CNTN5: variants seen among roughly 807,000 people sequenced by gnomAD.
CNTN5 encodes contactin 5.
In CNTN5, 77 loss-of-function variants were observed where a neutral mutation model predicts 129.1. That is an observed-to-expected ratio of 0.60 (90% confidence interval 0.50 to 0.72). The LOEUF is 0.72. Ranked by LOEUF, CNTN5 falls within the 30% of genes least tolerant of loss-of-function variation. The pLI is 0.00. For missense variants in CNTN5, 1,478 were observed against 1,328.8 expected, an observed-to-expected ratio of 1.11 and a Z score of -1.75; for synonymous variants, 509 against 465.6, an observed-to-expected ratio of 1.09 and a Z score of -1.20.
At chr11:99,781,825 C>A (rs11221345) in intron 3 of CNTN5, among the ~76,000 whole-genome samples, 1 of 151,950 alleles carries the variant, frequency 6.6e-6, no homozygotes, top group Non-Finnish European at 1.5e-5. Context: ...TGGGACGTAT[C>A]TCAAAATAAT....
Position 99,710,808 on chromosome 11 carries a change from G to A in CNTN5, c.56-108736G>A, listed in dbSNP as rs569743606. Among the ~76,000 whole-genome samples, 4 of 151,924 alleles carry A rather than the reference G, an allele frequency of 2.6e-5. No individual in the cohort carries two copies. The South Asian group carries it at 8.3e-4, about 32-fold the overall frequency. On this transcript the variant is annotated intron_variant, in intron 3 of 24. Transcript: ENST00000524871. ...ATCAAAGGATGAGAGAAAAGGCAGA[G>A]ATTAATAATTTTGAATAGTTATAAA...
At chr11:100,319,189 A>G (rs1001350240) in intron 21 of CNTN5, among the ~76,000 whole-genome samples, 8 of 128,160 alleles carry the variant, frequency 6.2e-5, no homozygotes, top group Non-Finnish European at 6.4e-5. Context: ...GTCTCGCTCT[A>G]TTGCCCAGGC....
chr11:100,023,740 A>G (rs984212357), intron 9 of CNTN5, among the ~76,000 whole-genome samples: 1 of 152,200 alleles, frequency 6.6e-6, no homozygotes, highest in Non-Finnish European at 1.5e-5. Context: ...AGAATATCAT[A>G]TGACTGAAAC....
chr11:100,256,121 A>G (rs1426820013), intron 17 of CNTN5, among the ~76,000 whole-genome samples: 1 of 152,164 alleles, frequency 6.6e-6, no homozygotes, highest in East Asian at 1.9e-4. Context: ...CCCAAAGAGG[A>G]ACTATATCAT....
chr11:99,730,432 G>C (rs1943492044), intron 3 of CNTN5, among the ~76,000 whole-genome samples: 1 of 152,140 alleles, frequency 6.6e-6, no homozygotes, highest in South Asian at 2.1e-4. Flanking sequence ...AGACTATATT[G>C]GATGAAAACC....
chr11:99,061,313 G>T (rs1380927306), intron 1 of CNTN5, among the ~76,000 whole-genome samples: 1 of 152,106 alleles, frequency 6.6e-6, no homozygotes, highest in Admixed American at 6.6e-5. Context: ...TTCATGCAAA[G>T]ACTGAGTGTG....
chr11:99,669,445 T>G (rs1952939885), intron 3 of CNTN5, among the ~76,000 whole-genome samples: 1 of 63,408 alleles, frequency 1.6e-5, no homozygotes, highest in African/African-American at 4.6e-5. Context: ...AAATATGGTG[T>G]GTGTGTGTGT....
At chr11:99,309,250 T>A (rs1865002701) in intron 1 of CNTN5, among the ~76,000 whole-genome samples, 1 of 151,470 alleles carries the variant, frequency 6.6e-6, no homozygotes, top group Non-Finnish European at 1.5e-5. Context: ...TTCTGGAGGT[T>A]ACAAGTGATA....
intron 3 of CNTN5, among the ~76,000 whole-genome samples, chr11:99,676,632 A>G (rs1953296262): frequency 6.6e-6 from 1 of 152,184 alleles, no homozygotes; most frequent in Admixed American, 6.5e-5. Flanking sequence ...TTCGTTTCAT[A>G]ATTTGGTAGT....
intron 13 of CNTN5, among the ~76,000 whole-genome samples, chr11:100,115,115 T>TAAAAAAAAAAAAAAA (rs11388029): frequency 8.9e-4 from 70 of 78,216 alleles, no homozygotes; most frequent in East Asian, 3.4e-3. Flanking sequence ...AGGTATACAG[T>TAAAAAAAAAAAAAAA]AAAAAAAAAA....
chr11:99,225,856 T>C (rs550278007), intron 1 of CNTN5, among the ~76,000 whole-genome samples: 1 of 152,308 alleles, frequency 6.6e-6, no homozygotes, highest in Admixed American at 6.5e-5. Context: ...ATATTTCAAA[T>C]GTCCAAATGG....
intron 2 of CNTN5, among the ~76,000 whole-genome samples, chr11:99,387,003 C>T (rs1940961497): frequency 6.6e-6 from 1 of 151,986 alleles, no homozygotes; most frequent in African/African-American, 2.4e-5. Context: ...TTATTTAATA[C>T]TTGTTGGTCA....
At chr11:99,724,650 C>A (rs558366487) in intron 3 of CNTN5, among the ~76,000 whole-genome samples, 1 of 152,282 alleles carries the variant, frequency 6.6e-6, no homozygotes, top group Admixed American at 6.5e-5. Context: ...TGAATCCAGA[C>A]AGCCTGGTTC....
At chr11:99,109,291 A>G (rs1857670910) in intron 1 of CNTN5, among the ~76,000 whole-genome samples, 1 of 152,080 alleles carries the variant, frequency 6.6e-6, no homozygotes, top group Non-Finnish European at 1.5e-5. Flanking sequence ...AATTTTTGGT[A>G]GTTTGGTATA....
At chr11:99,894,435 T>C (rs1241841911) in intron 6 of CNTN5, among the ~76,000 whole-genome samples, 5 of 145,974 alleles carry the variant, frequency 3.4e-5, no homozygotes, top group Non-Finnish European at 7.5e-5. Flanking sequence ...TTTCACAAGC[T>C]ATTTTTGTTT....
intron 3 of CNTN5, among the ~76,000 whole-genome samples, chr11:99,567,399 T>C (rs945971721): frequency 1.3e-5 from 2 of 152,060 alleles, no homozygotes; most frequent in Non-Finnish European, 2.9e-5. Context: ...CCCATTCTCC[T>C]CCATTGAGTT....
intron 1 of CNTN5, among the ~76,000 whole-genome samples, chr11:99,319,845 C>A (rs947184959): frequency 2.2e-4 from 34 of 152,176 alleles, no homozygotes; most frequent in African/African-American, 7.2e-4. Flanking sequence ...AGAAAAGATG[C>A]TCATTCAAAC....
At chr11:99,327,890 A>G (rs1257711295) in intron 2 of CNTN5, among the ~76,000 whole-genome samples, 1 of 152,184 alleles carries the variant, frequency 6.6e-6, no homozygotes, top group Non-Finnish European at 1.5e-5. Context: ...CAACTCATCC[A>G]GGAGACACTG....
intron 18 of CNTN5, among the ~76,000 whole-genome samples, chr11:100,285,261 T>C (rs574878066): frequency 3.9e-5 from 6 of 152,222 alleles, no homozygotes; most frequent in South Asian, 2.1e-4. Flanking sequence ...CGTTTGTTGA[T>C]ACAGTAAGAA....
Sources: allele counts gnomAD v4.1 joint callset (sites outside exome capture counted in the v4.1 genomes callset), GRCh38; gene constraint gnomAD v4.1.1; transcripts MANE v1.5; gene names NCBI Gene and HGNC (gene_info 2026-07-23, HGNC 2026-07-21).